The following SMYD4 variants were observed in gnomAD, a reference collection of about 807,000 sequenced individuals.
SMYD4 encodes protein-lysine N-methyltransferase SMYD4.
In SMYD4, 68 loss-of-function variants were observed where a neutral mutation model predicts 72.8. That is an observed-to-expected ratio of 0.93 (90% CI 0.77 to 1.14). The LOEUF (loss-of-function observed/expected upper bound fraction) is 1.14, where lower values mean the gene tolerates loss of function less well. Among genes scored for constraint, SMYD4 ranks in the 50% most tolerant of loss-of-function variants. The probability of loss-of-function intolerance (pLI) is 0.00; values close to 1 mark genes in which losing one functional copy is unlikely to be tolerated. For synonymous variants in SMYD4, 407 were observed against 388.6 expected (o/e 1.05, Z -0.56); for missense variants, 984 against 1,003.7 (o/e 0.98, Z 0.27).
intron 2 of SMYD4, among the ~76,000 whole-genome samples, chr17:1,818,155 T>C (rs1485756377): frequency 6.6e-6 from 1 of 152,106 alleles, no homozygotes; most frequent in Admixed American, 6.6e-5. Flanking sequence ...GCCTTTTGCA[T>C]GTAGCTTGTC....
At chr17:1,793,182 G>A (rs943078742) in intron 5 of SMYD4, among the ~76,000 whole-genome samples, 1 of 152,076 alleles carries the variant, frequency 6.6e-6, no homozygotes, top group Non-Finnish European at 1.5e-5. Flanking sequence ...CTTCCAAAGT[G>A]CTGGGATTAT....
intron 5 of SMYD4, among the ~76,000 whole-genome samples, chr17:1,790,165 C>G (rs1056714660): frequency 9.9e-5 from 15 of 152,156 alleles, no homozygotes; most frequent in Admixed American, 2.0e-4. Flanking sequence ...AACTGGCAAT[C>G]TATATTAGAA....
intron 5 of SMYD4, among the ~76,000 whole-genome samples, chr17:1,794,731 TC>T (rs1909298767): frequency 1.6e-5 from 1 of 62,192 alleles, no homozygotes; most frequent in Admixed American, 1.1e-4. Context: ...CTTTCAGTTC[TC>T]TTAAAAAAAA....
At chr17:1,827,765 T>G (rs2151258893) in intron 2 of SMYD4, 96 bp downstream of exon 2, 1 of 1,444,028 alleles carries the variant, frequency 6.9e-7, no homozygotes, top group East Asian at 2.4e-5. Flanking sequence ...CAAGACTCAA[T>G]CTTTATTTAA....
Position 1,822,609 on chromosome 17 carries a change from G to A in SMYD4, c.134+5252C>T, listed in dbSNP as rs372142246. On this transcript the variant is annotated intron_variant, in intron 2 of 10. Transcript: ENST00000305513. ...GTATCAGCTGGGATTACAGGTGCCCGCCACCATGGCCAGTTAATTTTTTGT... is the reference window on the plus strand; with the variant it reads ...GTATCAGCTGGGATTACAGGTGCCCACCACCATGGCCAGTTAATTTTTTGT... Among the ~76,000 whole-genome samples, 26 of 152,090 alleles carry A rather than the reference G, an allele frequency of 1.7e-4. No homozygotes were observed. In the East Asian group the frequency reaches 2.3e-3, roughly 14 times the overall value.
rs1364132972 is a variant in SMYD4, at chr17:1,804,844, T to C, written c.280-129A>G. The C allele has an allele frequency of 4.8e-6, 4 of 830,612 alleles. No individual in the cohort carries two copies. In the East Asian group the frequency reaches 8.6e-5, roughly 18 times the overall value. The allele number at this position is 830,612 out of a possible 1,614,324, so 51.5% of individuals were successfully genotyped here. On this transcript the variant is annotated intron_variant, in intron 3 of 10. Transcript: ENST00000305513. The stretch of plus-strand genomic sequence containing the variant: ...GGAAAGTTACTGAACCTCTTTGTGC[T>C]TCAGCTTATCTTTTAACTACCTGAG...
intron 3 of SMYD4, among the ~76,000 whole-genome samples, chr17:1,806,999 T>G (rs1456819632): frequency 1.3e-5 from 2 of 151,912 alleles, no homozygotes; most frequent in Non-Finnish European, 2.9e-5. Context: ...CAAGCGATTC[T>G]CCAGCCTCAG....
At chr17:1,804,424 G>A (rs919147646) in intron 4 of SMYD4, 16 of 452,144 alleles carry the variant, frequency 3.5e-5, no homozygotes, top group African/African-American at 6.0e-5. Context: ...TGATCCGCCC[G>A]CCTTGACCTC....
intron 2 of SMYD4, among the ~76,000 whole-genome samples, chr17:1,817,133 G>A (rs904529882): frequency 1.3e-4 from 20 of 150,734 alleles, no homozygotes; most frequent in Admixed American, 1.1e-3. Context: ...CGCCTCCCGG[G>A]TTCAAGTGAT....
chr17:1,795,480 T>C (rs1909355753), intron 5 of SMYD4, among the ~76,000 whole-genome samples: 1 of 152,144 alleles, frequency 6.6e-6, no homozygotes, highest in Non-Finnish European at 1.5e-5. Context: ...ACTTGCTGTG[T>C]CACCCTGGCT....
intron 5 of SMYD4, among the ~76,000 whole-genome samples, chr17:1,799,644 G>T (rs1909598401): frequency 1.3e-5 from 2 of 152,062 alleles, no homozygotes. Flanking sequence ...AAAGTGCTGG[G>T]ATTATAGGAG....
intron 3 of SMYD4, among the ~76,000 whole-genome samples, chr17:1,809,583 G>A (rs936728719): frequency 6.7e-6 from 1 of 150,106 alleles, no homozygotes; most frequent in African/African-American, 2.5e-5. Context: ...CACCATGTTG[G>A]TCAGGCTGGT....
intron 2 of SMYD4, among the ~76,000 whole-genome samples, chr17:1,821,306 G>A (rs1211826963): frequency 1.3e-5 from 2 of 152,106 alleles, no homozygotes; most frequent in African/African-American, 4.8e-5. Context: ...CATGAGGTTA[G>A]GAGTTTGAGA....
chr17:1,806,363 A>G (rs1284125166), intron 3 of SMYD4, among the ~76,000 whole-genome samples: 2 of 152,180 alleles, frequency 1.3e-5, no homozygotes, highest in Non-Finnish European at 2.9e-5. Context: ...CCAAAAACCA[A>G]TAAAAGCAGA....
intron 3 of SMYD4, among the ~76,000 whole-genome samples, chr17:1,806,786 T>C (rs1035555004): frequency 3.3e-5 from 5 of 152,220 alleles, no homozygotes; most frequent in African/African-American, 9.6e-5. Context: ...ATATCTTATA[T>C]ACATATAAAA....
At chr17:1,790,721 T>C (rs1372827520) in intron 5 of SMYD4, among the ~76,000 whole-genome samples, 1 of 151,998 alleles carries the variant, frequency 6.6e-6, no homozygotes, top group East Asian at 2.0e-4. Flanking sequence ...TTCAGCATGT[T>C]AGTCAGGCTA....
chr17:1,783,410 G>T lies in SMYD4; in HGVS notation c.2087C>A (p.Ala696Asp). The change falls in exon 9 of 11, where the codon GCC (alanine) becomes GAC (aspartate). Residue 696 changes from alanine (A) to aspartate (D), a missense_variant. Physicochemically the swap from Ala to Asp is moderately radical, Grantham distance 126. Coordinates refer to ENST00000305513, the MANE Select transcript of SMYD4 (RefSeq NM_052928.3). ...GCCATCCGCGATCTCTCCCACCACG[G>T]CGTGCTCTGCCCACAGGAAGCTCTC... ...DAESFLWAEH[A>D]VVGEIADGLA... The T allele has an allele frequency of 6.2e-7, 1 of 1,612,856 alleles. No homozygotes were observed. The highest frequency in any genetic ancestry group is 1.9e-4 in the Middle Eastern group (1 of 5,212).
rs145788402 is a variant in SMYD4, at chr17:1,781,385, C to T, written c.2316G>A (p.Ser772=). The T allele has an allele frequency of 2.4e-4, 390 of 1,614,070 alleles. 2 individuals carry two copies. The African/African-American group carries it at 4.6e-3, about 19-fold the overall frequency. The change falls in exon 11 of 11, where the codon TCG becomes TCA. Residue 772 remains serine, a synonymous_variant. Transcript: ENST00000305513. ...CATCGTCCCATGGGCCACAGTGCAGCGACAGAACCTCCTCAGCTTTCTGTA... is the reference window on the plus strand; with the variant it reads ...CATCGTCCCATGGGCCACAGTGCAGTGACAGAACCTCCTCAGCTTTCTGTA... ...STIQKAEEVL[S]LHCGPWDDEI... is the part of the protein sequence containing the mutation.
At chr17:1,796,038 C>T (rs1029517558) in intron 5 of SMYD4, among the ~76,000 whole-genome samples, 1 of 152,022 alleles carries the variant, frequency 6.6e-6, no homozygotes, top group Non-Finnish European at 1.5e-5. Context: ...TAGATAAAGC[C>T]GATGTCTCCA....
Sources: allele counts gnomAD v4.1 joint callset (sites outside exome capture counted in the v4.1 genomes callset), GRCh38; gene constraint gnomAD v4.1.1; transcripts MANE v1.5; gene names NCBI Gene and HGNC (gene_info 2026-07-23, HGNC 2026-07-21).